SYCP1: variants seen among roughly 807,000 people sequenced by gnomAD.
The protein encoded by SYCP1 is synaptonemal complex protein 1, also known as cancer/testis antigen 8.
SYCP1 carries 64 observed loss-of-function variants against 153.1 expected under a neutral mutation model. That is an observed-to-expected ratio of 0.42 (90% confidence interval 0.34 to 0.51). The LOEUF is 0.51. Among genes scored for constraint, SYCP1 ranks in the 20% least tolerant of loss-of-function variants. The pLI is 0.06. For missense variants in SYCP1, 997 were observed against 1,049.0 expected (o/e 0.95, Z 0.68); for synonymous variants, 384 against 341.8 (o/e 1.12, Z -1.36).
chr1:114,893,965 GTT>G (rs752984908), intron 15 of SYCP1, among the ~76,000 whole-genome samples: 2 of 139,518 alleles, frequency 1.4e-5, no homozygotes, highest in Admixed American at 7.1e-5. Context: ...AGTGTGAGTT[GTT>G]TTTTTTTTTT....
At chr1:114,911,010 GT>G (rs1454103773) in intron 17 of SYCP1, among the ~76,000 whole-genome samples, 2 of 152,044 alleles carry the variant, frequency 1.3e-5, no homozygotes. Flanking sequence ...TAGTGCTCAT[GT>G]TATAGTTTTA....
intron 23 of SYCP1, among the ~76,000 whole-genome samples, chr1:114,934,641 C>T (rs1355102456): frequency 6.6e-6 from 1 of 152,088 alleles, no homozygotes; most frequent in Non-Finnish European, 1.5e-5. Context: ...CAAGACCCAT[C>T]AGTGTGCTGT....
At chr1:114,889,360 A>C (rs1299310291) in intron 15 of SYCP1, among the ~76,000 whole-genome samples, 1 of 152,176 alleles carries the variant, frequency 6.6e-6, no homozygotes, top group Non-Finnish European at 1.5e-5. Context: ...CCTCTCCAGC[A>C]TCTGTTGTTT....
At chr1:114,943,098 C>T (rs1670488020) in intron 23 of SYCP1, among the ~76,000 whole-genome samples, 1 of 151,962 alleles carries the variant, frequency 6.6e-6, no homozygotes, top group African/African-American at 2.4e-5. Context: ...TTTTGTCTGA[C>T]ACTATCAACT....
chr1:114,877,537 A>T (rs1665624688), intron 11 of SYCP1, among the ~76,000 whole-genome samples: 1 of 152,228 alleles, frequency 6.6e-6, no homozygotes, highest in Non-Finnish European at 1.5e-5. Context: ...CAGTACAGAG[A>T]GGATAATAAA....
At chr1:114,939,449 A>G (rs1670245291) in intron 23 of SYCP1, among the ~76,000 whole-genome samples, 1 of 152,226 alleles carries the variant, frequency 6.6e-6, no homozygotes, top group Non-Finnish European at 1.5e-5. Context: ...CATATAATGG[A>G]ATACTACTCA....
chr1:114,925,256 C>G (rs565934709), intron 21 of SYCP1, among the ~76,000 whole-genome samples: 1 of 152,002 alleles, frequency 6.6e-6, no homozygotes, highest in African/African-American at 2.4e-5. Context: ...AAATTTGTAT[C>G]AGAGGCCACT....
chr1:114,878,646 C>T (rs360638), intron 12 of SYCP1, among the ~76,000 whole-genome samples: 53,773 of 151,978 alleles, frequency 0.35, 10,517 homozygotes, highest in East Asian at 0.49. Flanking sequence ...CGAGTTCAAG[C>T]GATTCTCCTG....
Position 114,911,482 on chromosome 1 carries a change from G to T in SYCP1, c.1429G>T (p.Glu477Ter). 6.5e-7 allele frequency: 1 copy of T among 1,549,348 alleles called. No individual in the cohort carries two copies. The highest frequency in any genetic ancestry group is 1.3e-5 in the South Asian group (1 of 77,710). ...LIGLLQAREK[E>*]VHDLEIQLTA... ...GTTATATATGTTTATTTTGCAGAAA[G>T]AAGTACATGATTTGGAAATACAGTT... Residue 477 changes from glutamate (E) to a stop codon, truncating the protein, a stop_gained, in exon 18 of 32, where the codon GAA becomes TAA. Transcript: ENST00000369522. LOFTEE classifies it high-confidence loss of function.
At chr1:114,902,288 G>T (rs1011861039) in intron 16 of SYCP1, among the ~76,000 whole-genome samples, 3 of 152,136 alleles carry the variant, frequency 2.0e-5, no homozygotes, top group African/African-American at 4.8e-5. Flanking sequence ...AAGAGAAAAA[G>T]ATGTTTTTTT....
chr1:114,973,797 A>G (rs1283896515), intron 27 of SYCP1, among the ~76,000 whole-genome samples: 1 of 151,854 alleles, frequency 6.6e-6, no homozygotes, highest in East Asian at 1.9e-4. Context: ...GATTTACTGT[A>G]TTATTTCAAT....
intron 8 of SYCP1, chr1:114,862,940 T>C (rs1664477999): frequency 6.6e-6 from 1 of 152,202 alleles, no homozygotes; most frequent in Non-Finnish European, 1.5e-5. Context: ...ATCTTCTAGA[T>C]GCTGATGAAA....
intron 5 of SYCP1, 122 bp downstream of exon 5, chr1:114,857,619 C>CCTG: frequency 1.4e-6 from 1 of 710,014 alleles, no homozygotes; most frequent in Admixed American, 3.9e-5. Flanking sequence ...AAGATATATC[C>CCTG]TTTAAAACCT....
chr1:114,900,887 T>G (rs1050969687), intron 16 of SYCP1, among the ~76,000 whole-genome samples: 7 of 152,256 alleles, frequency 4.6e-5, no homozygotes, highest in African/African-American at 1.7e-4. Context: ...ACCTGCATAA[T>G]TTAGTCCACC....
At chr1:114,919,177 C>T (rs552535597) in intron 20 of SYCP1, among the ~76,000 whole-genome samples, 2 of 152,090 alleles carry the variant, frequency 1.3e-5, no homozygotes, top group Admixed American at 6.5e-5. Context: ...GAGCTATGTT[C>T]CTTCCGTACC....
Position 114,995,277 on chromosome 1 carries a change from G to T in SYCP1, c.*258G>T. On this transcript the variant is annotated 3_prime_UTR_variant, in exon 32 of 32. Coordinates refer to ENST00000369522, the MANE Select transcript of SYCP1 (RefSeq NM_003176.4). The stretch of plus-strand genomic sequence containing the variant: ...TATTCATGAAAACTGTTTTTACTAA[G>T]TTTTCAAATTTGTAAAGTTAGCCTT... 4.0e-6 allele frequency: 1 copy of T among 253,052 alleles called. No homozygotes were observed. Among genetic ancestry groups the T allele is most frequent in the Non-Finnish European group, 7.4e-6 (1 of 134,434 alleles). The allele number at this position is 253,052 out of a possible 1,614,324, so 15.7% of individuals were successfully genotyped here.
At chr1:114,881,621 G>C (rs1665948478) in intron 12 of SYCP1, among the ~76,000 whole-genome samples, 1 of 151,504 alleles carries the variant, frequency 6.6e-6, no homozygotes, top group Non-Finnish European at 1.5e-5. Flanking sequence ...TCCCAACCCA[G>C]CCTCCTGAGT....
intron 20 of SYCP1, among the ~76,000 whole-genome samples, chr1:114,921,100 T>C (rs1006237064): frequency 2.0e-5 from 3 of 152,056 alleles, no homozygotes; most frequent in Non-Finnish European, 4.4e-5. Flanking sequence ...TTTTCTTTGG[T>C]GGTATATTTT....
intron 27 of SYCP1, among the ~76,000 whole-genome samples, chr1:114,970,388 C>T (rs1009495126): frequency 2.6e-5 from 4 of 151,914 alleles, no homozygotes; most frequent in South Asian, 2.1e-4. Flanking sequence ...GCTTAATAAT[C>T]GACCTTCTGA....
Sources: gnomAD v4.1 joint callset for allele counts (sites outside exome capture counted in the v4.1 genomes callset) on GRCh38, gnomAD v4.1.1 for gene constraint, MANE v1.5 for transcripts, NCBI Gene and HGNC (gene_info 2026-07-23, HGNC 2026-07-21) for gene names.